The following SUGP1 variants were observed in gnomAD, a reference collection of about 807,000 sequenced individuals.
SUGP1 encodes the protein SURP and G-patch domain-containing protein 1.
A neutral mutation model predicts 76.5 loss-of-function variants in SUGP1; 34 were observed. The ratio of observed to expected loss-of-function variants is 0.44; its 90% CI spans 0.34 to 0.59. The LOEUF is 0.59. Ranked by LOEUF, SUGP1 falls within the 20% of genes least tolerant of loss-of-function variation. The pLI is 0.01. For missense variants in SUGP1, 752 were observed against 851.7 expected (o/e 0.88, Z 1.46); for synonymous variants, 326 against 326.2 (o/e 1.00, Z 0.01).
At chr19:19,309,264 T>G (rs1789335294) in intron 3 of SUGP1, among the ~76,000 whole-genome samples, 1 of 152,054 alleles carries the variant, frequency 6.6e-6, no homozygotes. Flanking sequence ...ACAGGTGGAT[T>G]GCTTGAGCTT....
At chr19:19,297,429 G>GGGCAGGAGCAGTTC in intron 7 of SUGP1, 85 bp from the exon 8 acceptor site, 1,540 of 1,131,466 alleles carry the variant, frequency 1.4e-3, no homozygotes, top group Non-Finnish European at 1.7e-3. Flanking sequence ...CTGGCCTTGT[G>GGGCAGGAGCAGTTC]TGCCCACGTT....
intron 1 of SUGP1, 121 bp downstream of exon 1, chr19:19,320,342 G>T: frequency 4.6e-6 from 5 of 1,084,916 alleles, no homozygotes; most frequent in African/African-American, 1.6e-5. Context: ...CGACGCTGTG[G>T]GCTGCCCCGG....
intron 8 of SUGP1, among the ~76,000 whole-genome samples, chr19:19,283,003 G>A (rs1264923348): frequency 6.6e-6 from 1 of 151,948 alleles, no homozygotes; most frequent in Non-Finnish European, 1.5e-5. Flanking sequence ...TGTGAACCCG[G>A]GAGGTGGAGA....
intron 7 of SUGP1, 130 bp from the exon 8 acceptor site, chr19:19,297,474 G>T (rs771507007): frequency 3.4e-6 from 2 of 582,680 alleles, no homozygotes; most frequent in African/African-American, 1.9e-5. Context: ...TCATAGTCAC[G>T]GTCTCCACCA....
rs1379812439 is a variant in SUGP1, at chr19:19,291,920, CACACACACACACAA to C, written c.1243+5055_1243+5068del. On this transcript the variant is annotated intron_variant, in intron 8 of 13. Transcript: ENST00000247001. Reference sequence around the variant, plus strand: ...ACACACACACACACACACACACACACACACACACACACAAAAGGGCCAAGAATTAGATAGCTTCA... The same window carrying C: ...ACACACACACACACACACACACACACAAGGGCCAAGAATTAGATAGCTTCA... Among the ~76,000 whole-genome samples the C allele has an allele frequency of 6.7e-5, 9 of 133,700 alleles. 1 individual carries two copies. The highest frequency in any genetic ancestry group is 1.3e-4 in the Non-Finnish European group (8 of 59,688). The allele number at this position is 133,700 out of a possible 152,430, so 87.7% of individuals were successfully genotyped here. A position where few individuals can be genotyped will look rare whatever the true frequency, so the allele number is the denominator to read the frequency against.
At position 19,297,105 on chromosome 19, in the gene SUGP1, G is replaced by A. The variant is rs2061232431; in HGVS notation, c.1127C>T (p.Ala376Val). ...CTTCCGCTTCCTCTTCACGGTGGCT[G>A]CGGAGGCTGGCTTCCCGGGGGCAGC... ...APAAPGKPAS[A>V]ATVKRKRKSR... is the part of the protein sequence containing the mutation. Residue 376 changes from alanine (A) to valine (V), a missense_variant, in exon 8 of 14, where the codon GCA becomes GTA. Ala to Val is a moderately conservative substitution (Grantham distance 64). Around this residue, in one of 2 missense-constraint regions of SUGP1, gnomAD observed 620 missense variants for 617.3 expected, o/e 1.00. Coordinates refer to ENST00000247001, the MANE Select transcript of SUGP1 (RefSeq NM_172231.4). The A allele has an allele frequency of 1.9e-6, 3 of 1,613,928 alleles. No homozygotes were observed. Among genetic ancestry groups the A allele is most frequent in the South Asian group, 1.1e-5 (1 of 91,078 alleles).
chr19:19,320,440 T>G (rs368036495), intron 1 of SUGP1, 23 bp downstream of exon 1: 4 of 1,607,116 alleles, frequency 2.5e-6, no homozygotes, highest in Non-Finnish European at 1.7e-6. Flanking sequence ...GGCGGCCGCC[T>G]GAGAGGAGGC....
intron 2 of SUGP1, among the ~76,000 whole-genome samples, chr19:19,312,996 A>AAAAT (rs895672233): frequency 4.6e-5 from 7 of 151,796 alleles, no homozygotes; most frequent in African/African-American, 1.7e-4. Flanking sequence ...TCTCAAAAAA[A>AAAAT]AAATAAATAA....
At chr19:19,277,126 C>G in intron 12 of SUGP1, 50 bp from the exon 13 acceptor site, 1 of 1,565,072 alleles carries the variant, frequency 6.4e-7, no homozygotes. Context: ...GAACTCTGGC[C>G]GGGGGGCCGG....
chr19:19,291,069 A>G (rs955554161), intron 8 of SUGP1, among the ~76,000 whole-genome samples: 1 of 152,124 alleles, frequency 6.6e-6, no homozygotes, highest in Non-Finnish European at 1.5e-5. Flanking sequence ...GTGAGACAAG[A>G]TCATGCCACT....
At chr19:19,293,648 C>T (rs1257093558) in intron 8 of SUGP1, among the ~76,000 whole-genome samples, 1 of 151,948 alleles carries the variant, frequency 6.6e-6, no homozygotes, top group Non-Finnish European at 1.5e-5. Flanking sequence ...AAACACATAG[C>T]TAACATCATA....
In SUGP1 at chr19:19,279,643, A is replaced by C. The variant is rs371901874; in HGVS notation, c.1351-253T>G. Among the ~76,000 whole-genome samples the C allele has an allele frequency of 4.5e-4, 68 of 152,292 alleles. No homozygotes were observed. In the South Asian group the frequency reaches 0.013, roughly 30 times the overall value. ...CAGGGTCCTGACCCCTGGGAGGGTC[A>C]AGGGTGATGTGACGGGGCTGCGGGC... On this transcript the variant is annotated intron_variant, in intron 9 of 13. Transcript: ENST00000247001.
At chr19:19,277,644 C>G (rs945759642) in intron 12 of SUGP1, 90 bp downstream of exon 12, 2 of 1,494,132 alleles carry the variant, frequency 1.3e-6, no homozygotes, top group African/African-American at 1.4e-5. Context: ...AAGGGAAAAG[C>G]GATGACATAA....
At chr19:19,297,418 T>TCTGGCCTTCTGGGCAGGAGCAGTA in intron 7 of SUGP1, 74 bp from the exon 8 acceptor site, 1 of 1,317,540 alleles carries the variant, frequency 7.6e-7, no homozygotes, top group Non-Finnish European at 1.0e-6. Flanking sequence ...CAGGAGCAGT[T>TCTGGCCTTCTGGGCAGGAGCAGTA]CTGGCCTTGT....
chr19:19,320,467 A>C lies in SUGP1; in HGVS notation c.30T>G (p.Val10=), dbSNP rs769045860. Residue 10 remains valine (V), a synonymous_variant, in exon 1 of 14, where the codon GTT becomes GTG. Coordinates refer to ENST00000247001, the MANE Select transcript of SUGP1 (RefSeq NM_172231.4). MSLKMDNRD[V]AGKANRWFGV... is the part of the protein sequence containing the mutation. ...AGAGGAGGCGGGGGCTGTTACCTGC[A>C]ACATCCCGGTTGTCCATCTTGAGAC... The C allele has an allele frequency of 5.0e-6, 8 of 1,610,138 alleles. No individual in the cohort carries two copies. The South Asian group carries it at 8.9e-5, about 18-fold the overall frequency.
At chr19:19,320,165 T>A (rs757069183) in intron 1 of SUGP1, among the ~76,000 whole-genome samples, 2 of 152,120 alleles carry the variant, frequency 1.3e-5, no homozygotes, top group Non-Finnish European at 2.9e-5. Context: ...TGTCGCCGTA[T>A]TGGGGAACGG....
intron 8 of SUGP1, among the ~76,000 whole-genome samples, chr19:19,293,946 A>G (rs2061205121): frequency 6.6e-6 from 1 of 152,194 alleles, no homozygotes; most frequent in South Asian, 2.1e-4. Context: ...GCACTTTGGG[A>G]GGCCAAGGTG....
intron 2 of SUGP1, among the ~76,000 whole-genome samples, chr19:19,315,732 C>T (rs1477323346): frequency 2.6e-5 from 4 of 152,260 alleles, no homozygotes; most frequent in Middle Eastern, 3.4e-3. Context: ...ACTGTGGCCA[C>T]GGGGCCTGGG....
chr19:19,283,484 T>G (rs930031488), intron 8 of SUGP1, among the ~76,000 whole-genome samples: 61 of 151,398 alleles, frequency 4.0e-4, no homozygotes, highest in Non-Finnish European at 6.8e-4. Flanking sequence ...AGACAGAGTC[T>G]CACTCTGTCA....
Sources: gnomAD v4.1 joint callset for allele counts (sites outside exome capture counted in the v4.1 genomes callset) on GRCh38, gnomAD v4.1.1 for gene constraint, gnomAD v4.1.1 regional missense constraint, MANE v1.5 for transcripts, NCBI Gene and HGNC (gene_info 2026-07-23, HGNC 2026-07-21) for gene names.